Variants in ZFHX3 observed in about 807,000 individuals in gnomAD.
ZFHX3 encodes zinc finger homeobox 3.
ZFHX3 carries 42 observed loss-of-function variants against 279.1 expected under a neutral mutation model. That is an observed-to-expected ratio of 0.15 (90% CI 0.12 to 0.19). ZFHX3 has a LOEUF of 0.19. Ranked by LOEUF, ZFHX3 falls within the 10% of genes least tolerant of loss-of-function variation. The probability of loss-of-function intolerance (pLI) is 1.00; values close to 1 mark genes in which losing one functional copy is unlikely to be tolerated. For synonymous variants in ZFHX3, 2,293 were observed against 1,957.8 expected (o/e 1.17, Z -4.52); for missense variants, 4,981 against 4,754.0 (o/e 1.05, Z -1.40).
At chr16:73,650,978 G>C (rs2052664981) in intron 2 of ZFHX3, among the ~76,000 whole-genome samples, 1 of 152,122 alleles carries the variant, frequency 6.6e-6, no homozygotes, top group Admixed American at 6.6e-5. Flanking sequence ...ATAAGGCACA[G>C]TTTATAAGAC....
intron 1 of ZFHX3, among the ~76,000 whole-genome samples, chr16:73,784,610 GGTGGCAC>G: frequency 6.6e-6 from 1 of 151,890 alleles, no homozygotes; most frequent in South Asian, 2.1e-4. Context: ...AGCTGGGGGT[GGTGGCAC>G]GTGCCTGTAG....
chr16:72,824,847 A>G lies in ZFHX3; in HGVS notation c.3529+4932T>C, dbSNP rs974214693. On this transcript the variant is annotated intron_variant, in intron 5 of 9. Coordinates refer to ENST00000268489, the MANE Select transcript of ZFHX3 (RefSeq NM_006885.4). The stretch of plus-strand genomic sequence containing the variant: ...GGGCTCTTCATTCGAGAATACACAC[A>G]TTCAAATCTATTCTGGTAAAAGAGA... Among the ~76,000 whole-genome samples the G allele has an allele frequency of 5.4e-4, 83 of 152,384 alleles. 1 individual carries two copies. The highest frequency in any genetic ancestry group is 8.8e-4 in the Non-Finnish European group (60 of 68,040).
rs138188223 is a variant in ZFHX3, at chr16:73,845,983, G to C, written c.-1608+45668C>G. On this transcript the variant is annotated intron_variant, in intron 1 of 17. Transcript: ENST00000641206. ...TGTGCCACTCTGCCCAGCTAATGTA[G>C]AGACAGGGTCTTACCATATTGCCCA... Among the ~76,000 whole-genome samples the C allele has an allele frequency of 3.9e-5, 6 of 152,220 alleles. No individual in the cohort carries two copies. The East Asian group carries it at 1.2e-3, about 30-fold the overall frequency.
At chr16:72,988,133 C>T (rs1440006609) in intron 1 of ZFHX3, among the ~76,000 whole-genome samples, 3 of 152,218 alleles carry the variant, frequency 2.0e-5, no homozygotes, top group Non-Finnish European at 4.4e-5. Flanking sequence ...CCAGTCGAGC[C>T]TGCATAAGTG....
intron 4 of ZFHX3, among the ~76,000 whole-genome samples, chr16:73,284,335 AAAAAGAAGG>A (rs2014538270): frequency 6.6e-6 from 1 of 151,386 alleles, no homozygotes; most frequent in African/African-American, 2.4e-5. Context: ...AAAAAAAAAA[AAAAAGAAGG>A]AAAATAAATA....
At chr16:73,224,500 G>A (rs1428459302) in intron 5 of ZFHX3, among the ~76,000 whole-genome samples, 1 of 152,194 alleles carries the variant, frequency 6.6e-6, no homozygotes, top group Admixed American at 6.5e-5. Flanking sequence ...GGCCTCATCT[G>A]ACCAAGACAA....
intron 2 of ZFHX3, among the ~76,000 whole-genome samples, chr16:73,664,854 G>A (rs369724801): frequency 2.0e-5 from 3 of 152,156 alleles, no homozygotes; most frequent in Non-Finnish European, 4.4e-5. Flanking sequence ...TTTCCTTTCC[G>A]TATACCAATA....
chr16:73,301,797 C>T (rs1222790046), intron 4 of ZFHX3, among the ~76,000 whole-genome samples: 2 of 142,912 alleles, frequency 1.4e-5, no homozygotes, highest in African/African-American at 5.4e-5. Flanking sequence ...ATTTAAGATT[C>T]TCTTAACACT....
rs10659744 is a variant in ZFHX3, at chr16:72,804,966, TTTTA to T, written c.3865-4841_3865-4838del. ...TTCTGTGTGCTGGAAAGCAGAGAGA[TTTTA>T]TTTATTTATTTATTTATTTATTTTT... is the stretch of plus-strand genomic sequence containing the variant. On this transcript the variant is annotated intron_variant, in intron 7 of 9. Coordinates refer to ENST00000268489, the MANE Select transcript of ZFHX3 (RefSeq NM_006885.4). Among the ~76,000 whole-genome samples the T allele has an allele frequency of 1.3e-4, 20 of 151,440 alleles. No homozygotes were observed. The East Asian group carries it at 1.7e-3, about 13-fold the overall frequency.
chr16:73,709,014 G>A (rs554401497), intron 1 of ZFHX3, among the ~76,000 whole-genome samples: 6 of 152,208 alleles, frequency 3.9e-5, no homozygotes, highest in African/African-American at 1.4e-4. Flanking sequence ...CTGTAAAGCG[G>A]CATATTTTGG....
chr16:73,167,302 A>G (rs1967397798), intron 5 of ZFHX3, among the ~76,000 whole-genome samples: 1 of 151,916 alleles, frequency 6.6e-6, no homozygotes, highest in Non-Finnish European at 1.5e-5. Context: ...AGAAACTTCC[A>G]TTCTGGACCA....
intron 7 of ZFHX3, among the ~76,000 whole-genome samples, chr16:73,130,185 T>C (rs926904282): frequency 6.6e-6 from 1 of 152,052 alleles, no homozygotes; most frequent in African/African-American, 2.4e-5. Flanking sequence ...TGTTTGCGCA[T>C]GTAAAGTTCC....
intron 5 of ZFHX3, among the ~76,000 whole-genome samples, chr16:73,209,316 G>A (rs2011921502): frequency 6.6e-6 from 1 of 152,178 alleles, no homozygotes; most frequent in Admixed American, 6.5e-5. Flanking sequence ...TGCTAGAACA[G>A]AATACCATAG....
At chr16:73,391,435 G>C (rs2017011064) in intron 3 of ZFHX3, among the ~76,000 whole-genome samples, 1 of 138,464 alleles carries the variant, frequency 7.2e-6, no homozygotes, top group South Asian at 2.2e-4. Flanking sequence ...CTGGTTGACA[G>C]AGTAAAACTC....
At chr16:73,164,805 ATG>A (rs941675896) in intron 5 of ZFHX3, among the ~76,000 whole-genome samples, 3 of 152,048 alleles carry the variant, frequency 2.0e-5, no homozygotes, top group Non-Finnish European at 4.4e-5. Context: ...TTAATGCTTT[ATG>A]TGTTTAATCC....
At chr16:72,927,608 G>A (rs979724948) in intron 3 of ZFHX3, among the ~76,000 whole-genome samples, 16 of 152,280 alleles carry the variant, frequency 1.1e-4, no homozygotes, top group South Asian at 8.3e-4. Flanking sequence ...AGCGGCCCGC[G>A]AGGGGCTGGG....
chr16:73,744,533 G>A (rs972739264), intron 1 of ZFHX3, among the ~76,000 whole-genome samples: 1 of 152,184 alleles, frequency 6.6e-6, no homozygotes, highest in African/African-American at 2.4e-5. Flanking sequence ...GTATAACAGT[G>A]TGATGTCTTG....
At chr16:73,137,065 G>A (rs1966808558) in intron 6 of ZFHX3, among the ~76,000 whole-genome samples, 1 of 152,058 alleles carries the variant, frequency 6.6e-6, no homozygotes, top group South Asian at 2.1e-4. Flanking sequence ...GAACTGTCTT[G>A]AAATTTCTTT....
intron 2 of ZFHX3, among the ~76,000 whole-genome samples, chr16:73,633,981 T>C (rs1316945164): frequency 6.6e-6 from 1 of 152,034 alleles, no homozygotes; most frequent in East Asian, 1.9e-4. Flanking sequence ...ACCCTAAATG[T>C]ACAACAAAAG....
Sources: allele counts gnomAD v4.1 joint callset (sites outside exome capture counted in the v4.1 genomes callset), GRCh38; gene constraint gnomAD v4.1.1; transcripts MANE v1.5; gene names NCBI Gene and HGNC (gene_info 2026-07-23, HGNC 2026-07-21).